Variants in DCT observed in about 807,000 individuals in gnomAD.
The protein encoded by DCT is L-dopachrome tautomerase.
In DCT, 47 loss-of-function variants were observed where a neutral mutation model predicts 53.0. The ratio of observed to expected loss-of-function variants is 0.89; its 90% CI spans 0.70 to 1.13. DCT has a LOEUF of 1.13. DCT is among the 50% of genes most tolerant of loss of function. The pLI is 0.00. For synonymous variants in DCT, 244 were observed against 237.0 expected (o/e 1.03, Z -0.27); for missense variants, 669 against 637.4 (o/e 1.05, Z -0.53).
the DCT span, among the ~76,000 whole-genome samples, chr13:94,522,785 G>T: frequency 3.1e-3 from 475 of 152,266 alleles, 3 homozygotes; most frequent in African/African-American, 0.011. Flanking sequence ...GATGAGTCCA[G>T]ACAACTTAAG....
chr13:94,546,292 C>T, the DCT span, among the ~76,000 whole-genome samples: 2 of 152,240 alleles, frequency 1.3e-5, no homozygotes, highest in African/African-American at 4.8e-5. This position sits in a 1 kb window ranked among gnomAD's most constrained non-coding sequence, Gnocchi z 4.2. Context: ...CATTTACATG[C>T]GTCAATCCTT....
chr13:94,459,367 G>A (rs1883625631), intron 6 of DCT, among the ~76,000 whole-genome samples: 1 of 152,204 alleles, frequency 6.6e-6, no homozygotes, highest in Admixed American at 6.5e-5. Context: ...GTGAGTTTTT[G>A]TATTAATGCC....
chr13:94,522,213 G>A, the DCT span, among the ~76,000 whole-genome samples: 1 of 152,328 alleles, frequency 6.6e-6, no homozygotes, highest in East Asian at 1.9e-4. Flanking sequence ...ATTTGAGTCA[G>A]TGAGCTGGGA....
rs74325354 is a variant in DCT, at chr13:94,462,144, A to G, written c.909T>C (p.Tyr303=). ...NHLVTLCNGT[Y]EGLLRRNQMG... The stretch of plus-strand genomic sequence containing the variant: ...TTTGATTTCTTCTCAGCAAACCTTC[A>G]TAGGTTCCATTGCACAAGGTGACCA... The change falls in exon 5 of 8, where the codon TAT becomes TAC. Residue 303 remains tyrosine, a synonymous_variant. Coordinates refer to ENST00000377028, the MANE Select transcript of DCT (RefSeq NM_001922.5). 1,684 of 1,613,512 alleles carry G rather than the reference A, an allele frequency of 1.0e-3. 19 individuals carry two copies. In the African/African-American group the frequency reaches 0.02, roughly 19 times the overall value.
intron 6 of DCT, among the ~76,000 whole-genome samples, chr13:94,456,737 C>G (rs1393401365): frequency 6.6e-6 from 1 of 152,212 alleles, no homozygotes; most frequent in Non-Finnish European, 1.5e-5. Context: ...GAAGCAGAAG[C>G]TCCATGTGGT....
At chr13:94,510,588 T>A in the DCT span, among the ~76,000 whole-genome samples, 1 of 152,250 alleles carries the variant, frequency 6.6e-6, no homozygotes, top group African/African-American at 2.4e-5. Context: ...TAATTTTACC[T>A]GTTTCTTTTT....
At chr13:94,507,369 G>A in the DCT span, among the ~76,000 whole-genome samples, 14 of 152,084 alleles carry the variant, frequency 9.2e-5, no homozygotes, top group African/African-American at 3.4e-4. Flanking sequence ...AAAACATCTG[G>A]TATTCTAAGA....
chr13:94,518,045 C>G, the DCT span, among the ~76,000 whole-genome samples: 3 of 142,798 alleles, frequency 2.1e-5, no homozygotes, highest in Admixed American at 2.3e-4. Flanking sequence ...GAGTTCAAGA[C>G]CAGTCTGGGC....
chr13:94,547,981 AAAAAT>A, the DCT span, among the ~76,000 whole-genome samples: 1 of 112,828 alleles, frequency 8.9e-6, no homozygotes, highest in African/African-American at 4.4e-5. Flanking sequence ...AAAAAAAAAA[AAAAAT>A]ATATATATAT....
chr13:94,440,167 T>C (rs1882187451), intron 7 of DCT, 91 bp from the exon 8 acceptor site: 2 of 1,021,626 alleles, frequency 2.0e-6, no homozygotes, highest in East Asian at 5.1e-5. Flanking sequence ...GCCTTTCACG[T>C]GCTTTTTGTT....
chr13:94,531,131 A>G, the DCT span, among the ~76,000 whole-genome samples: 2 of 152,236 alleles, frequency 1.3e-5, no homozygotes, highest in African/African-American at 2.4e-5. Flanking sequence ...CTGTTCAACG[A>G]AATAAAAGAG....
intron 1 of DCT, among the ~76,000 whole-genome samples, chr13:94,473,887 C>A (rs1308448423): frequency 6.6e-6 from 1 of 152,176 alleles, no homozygotes; most frequent in Non-Finnish European, 1.5e-5. Flanking sequence ...CAAAGCTCTG[C>A]AGTCAGGTCC....
chr13:94,469,089 C>T lies in DCT; in HGVS notation c.296-44G>A, dbSNP rs139484792. The T allele has an allele frequency of 8.3e-4, 1,245 of 1,506,924 alleles. 12 individuals are homozygous for T. In the African/African-American group the frequency reaches 0.015, roughly 18 times the overall value. The allele number at this position is 1,506,924 out of a possible 1,614,324, so 93.3% of individuals were successfully genotyped here. On this transcript the variant is annotated intron_variant, in intron 1 of 7. Coordinates refer to ENST00000377028, the MANE Select transcript of DCT (RefSeq NM_001922.5). ...AGATGGAAAGGAAGGGGGTTTATGTCGTTTGGAAGAAATTTCTGAATTTGT... is the reference window on the plus strand; with the variant it reads ...AGATGGAAAGGAAGGGGGTTTATGTTGTTTGGAAGAAATTTCTGAATTTGT...
In DCT at chr13:94,468,626, C is replaced by G. The variant is rs190463373; in HGVS notation, c.595+120G>C. 1,028 of 899,970 alleles carry G rather than the reference C, an allele frequency of 1.1e-3. 1 individual carries two copies. Among genetic ancestry groups the G allele is most frequent in the Non-Finnish European group, 1.6e-3 (958 of 581,374 alleles). 55.7% of individuals were successfully genotyped at this position (899,970 alleles called of 1,614,324 possible). On this transcript the variant is annotated intron_variant, in intron 2 of 7. Coordinates refer to ENST00000377028, the MANE Select transcript of DCT (RefSeq NM_001922.5). ...TTGATAATTCTACGACTTTCATAAACCTAAGGCTGCCTTGTGGTTGCTCTC... is the reference window on the plus strand; with the variant it reads ...TTGATAATTCTACGACTTTCATAAAGCTAAGGCTGCCTTGTGGTTGCTCTC...
the DCT span, among the ~76,000 whole-genome samples, chr13:94,497,284 C>A: frequency 6.6e-6 from 1 of 152,156 alleles, no homozygotes; most frequent in African/African-American, 2.4e-5. Flanking sequence ...TTCCCTGAGT[C>A]TCCAGCCTGC....
chr13:94,457,844 T>A (rs1883509926), intron 6 of DCT, among the ~76,000 whole-genome samples: 1 of 152,084 alleles, frequency 6.6e-6, no homozygotes, highest in Non-Finnish European at 1.5e-5. Flanking sequence ...GTTGTCTAAA[T>A]CTCTTATGAC....
chr13:94,544,305 C>T, the DCT span, among the ~76,000 whole-genome samples: 76,939 of 151,984 alleles, frequency 0.51, 22,103 homozygotes, highest in African/African-American at 0.78. Flanking sequence ...ACTCCATAAA[C>T]GGTGACTATC....
intron 7 of DCT, among the ~76,000 whole-genome samples, chr13:94,441,872 G>T (rs114682130): frequency 0.029 from 4,417 of 152,226 alleles, 228 homozygotes; most frequent in African/African-American, 0.1. Context: ...AAGTATAATT[G>T]CTGGGTCATA....
chr13:94,510,695 G>A, the DCT span, among the ~76,000 whole-genome samples: 1 of 152,118 alleles, frequency 6.6e-6, no homozygotes, highest in Non-Finnish European at 1.5e-5. Context: ...CTGCTGAGTG[G>A]TGCCATCTTT....
Sources: allele counts gnomAD v4.1 joint callset (sites outside exome capture counted in the v4.1 genomes callset), GRCh38; gene constraint gnomAD v4.1.1; non-coding constraint Gnocchi (gnomAD v3.1); transcripts MANE v1.5; gene names NCBI Gene and HGNC (gene_info 2026-07-23, HGNC 2026-07-21).